ZBTB20: variants seen among roughly 807,000 people sequenced by gnomAD.
ZBTB20 encodes the protein zinc finger and BTB domain-containing protein 20.
ZBTB20 carries 9 observed loss-of-function variants against 56.9 expected under a neutral mutation model. The ratio of observed to expected loss-of-function variants is 0.16; its 90% CI spans 0.10 to 0.28. The LOEUF (loss-of-function observed/expected upper bound fraction) is 0.28. Ranked by LOEUF, ZBTB20 falls within the 10% of genes least tolerant of loss-of-function variation. The pLI is 1.00. For synonymous variants in ZBTB20, 417 were observed against 420.7 expected, an observed-to-expected ratio of 0.99 and a Z score of 0.11; for missense variants, 655 against 1,003.0, an observed-to-expected ratio of 0.65 and a Z score of 4.69.
At chr3:114,445,294 G>A (rs1012875157) in intron 7 of ZBTB20, among the ~76,000 whole-genome samples, 3 of 152,112 alleles carry the variant, frequency 2.0e-5, no homozygotes, top group Non-Finnish European at 4.4e-5. Flanking sequence ...AGAATTGATT[G>A]ACTCTTATTT....
intron 2 of ZBTB20, among the ~76,000 whole-genome samples, chr3:115,035,546 C>A (rs935709276): frequency 7.0e-6 from 1 of 141,938 alleles, no homozygotes; most frequent in Non-Finnish European, 1.5e-5. Flanking sequence ...TACTATCAAA[C>A]ACACACACAC....
intron 3 of ZBTB20, among the ~76,000 whole-genome samples, chr3:114,950,849 T>C (rs1033056845): frequency 1.5e-4 from 23 of 152,178 alleles, no homozygotes; most frequent in African/African-American, 5.5e-4. Context: ...TATAAAGCAA[T>C]AAAATAGTTT....
rs182104795 is a variant in ZBTB20, at chr3:114,633,044, T to C, written c.-295+60484A>G. Among the ~76,000 whole-genome samples, 13 of 152,346 alleles carry C rather than the reference T, an allele frequency of 8.5e-5. No homozygotes were observed. The East Asian group carries it at 1.7e-3, about 20-fold the overall frequency. On this transcript the variant is annotated intron_variant, in intron 6 of 11. Coordinates refer to ENST00000675478, the MANE Select transcript of ZBTB20 (RefSeq NM_001348800.3). ...GACTTTTTTACTACATAGAAAGAAT[T>C]AGGTTATGAAGGAAATGTAATCACC...
At chr3:114,472,996 G>A (rs2040317740) in intron 7 of ZBTB20, among the ~76,000 whole-genome samples, 1 of 152,174 alleles carries the variant, frequency 6.6e-6, no homozygotes, top group South Asian at 2.1e-4. Flanking sequence ...CTGCACAGAA[G>A]GACTTCTGAA....
intron 2 of ZBTB20, among the ~76,000 whole-genome samples, chr3:114,977,180 GA>G (rs1360021871): frequency 2.6e-5 from 4 of 152,162 alleles, no homozygotes; most frequent in Non-Finnish European, 5.9e-5. Flanking sequence ...TTTTTCCAGT[GA>G]AGGGACATTG....
chr3:114,344,927 G>A (rs779578396), intron 11 of ZBTB20, among the ~76,000 whole-genome samples: 6 of 152,042 alleles, frequency 3.9e-5, no homozygotes, highest in Admixed American at 1.3e-4. Flanking sequence ...ACCAGTGAAC[G>A]GGCTGTTGAT....
intron 3 of ZBTB20, among the ~76,000 whole-genome samples, chr3:114,902,836 A>G (rs745464072): frequency 6.6e-6 from 1 of 152,174 alleles, no homozygotes; most frequent in Non-Finnish European, 1.5e-5. Context: ...GCTAAAAGAC[A>G]CTGTTATGAC....
intron 6 of ZBTB20, among the ~76,000 whole-genome samples, chr3:114,508,431 A>G (rs2044912491): frequency 6.6e-6 from 1 of 152,156 alleles, no homozygotes; most frequent in Non-Finnish European, 1.5e-5. Flanking sequence ...ATAGAAGATG[A>G]GTCCATTCTA....
In ZBTB20 at chr3:114,427,746, C is replaced by A. The variant is rs1176827070; in HGVS notation, c.-254-38641G>T. Among the ~76,000 whole-genome samples, 5 of 152,198 alleles carry A rather than the reference C, an allele frequency of 3.3e-5. No individual in the cohort carries two copies. In the East Asian group the frequency reaches 9.6e-4, roughly 29 times the overall value. Reference sequence around the variant, plus strand: ...CAACATCTAATACTTGGGTGTTAATCAAAATGTATCGTGTAATAAGAAATT... The same window carrying A: ...CAACATCTAATACTTGGGTGTTAATAAAAATGTATCGTGTAATAAGAAATT... On this transcript the variant is annotated intron_variant, in intron 7 of 11. Coordinates refer to ENST00000675478, the MANE Select transcript of ZBTB20 (RefSeq NM_001348800.3).
Position 114,338,947 on chromosome 3 carries a change from T to A in ZBTB20, c.*58A>T, listed in dbSNP as rs549744468. 30 of 1,439,480 alleles carry A rather than the reference T, an allele frequency of 2.1e-5. No individual in the cohort carries two copies. The South Asian group carries it at 5.1e-4, about 25-fold the overall frequency. The allele number at this position is 1,439,480 out of a possible 1,614,324, so 89.2% of individuals were successfully genotyped here. A position where few individuals can be genotyped will look rare whatever the true frequency, so the allele number is the denominator to read the frequency against. Reference sequence around the variant, plus strand: ...AAATTCTAGTGCCATAGCTTTTTTGTTTGTTTGTTTTTTGTTGTTGTTTTG... The same window carrying A: ...AAATTCTAGTGCCATAGCTTTTTTGATTGTTTGTTTTTTGTTGTTGTTTTG... On this transcript the variant is annotated 3_prime_UTR_variant, in exon 12 of 12. Transcript: ENST00000675478.
chr3:114,421,034 T>A (rs2089118380), intron 7 of ZBTB20, among the ~76,000 whole-genome samples: 1 of 152,172 alleles, frequency 6.6e-6, no homozygotes. Context: ...CATTTGATTG[T>A]TAATAAGAAG....
intron 6 of ZBTB20, among the ~76,000 whole-genome samples, chr3:114,584,396 A>G (rs1334103223): frequency 6.6e-6 from 1 of 152,218 alleles, no homozygotes; most frequent in Non-Finnish European, 1.5e-5. Flanking sequence ...GGAACTTTAG[A>G]AAGAAAAAGC....
At chr3:114,976,494 C>T (rs1250297517) in intron 2 of ZBTB20, among the ~76,000 whole-genome samples, 2 of 151,854 alleles carry the variant, frequency 1.3e-5, no homozygotes, top group African/African-American at 2.4e-5. Context: ...GGCGTGGTGG[C>T]GGGCACCTGT....
chr3:114,987,940 C>T (rs992948507), intron 2 of ZBTB20, among the ~76,000 whole-genome samples: 17 of 152,070 alleles, frequency 1.1e-4, no homozygotes, highest in Admixed American at 1.1e-3. Flanking sequence ...AAGAATTAAA[C>T]CAACCTTGCC....
intron 7 of ZBTB20, among the ~76,000 whole-genome samples, chr3:114,495,176 A>G (rs2043143282): frequency 6.6e-6 from 1 of 152,230 alleles, no homozygotes; most frequent in Non-Finnish European, 1.5e-5. Flanking sequence ...AAATTCCTTA[A>G]GAGCAAGAAA....
At chr3:114,889,678 A>G (rs1041176031) in intron 4 of ZBTB20, among the ~76,000 whole-genome samples, 2 of 152,146 alleles carry the variant, frequency 1.3e-5, no homozygotes, top group Non-Finnish European at 2.9e-5. Flanking sequence ...TTAAGCAGTT[A>G]TATTACAAAT....
At chr3:114,963,497 T>C (rs752806640) in intron 3 of ZBTB20, among the ~76,000 whole-genome samples, 32 of 152,186 alleles carry the variant, frequency 2.1e-4, no homozygotes, top group Non-Finnish European at 4.1e-4. Context: ...CGCAACCACA[T>C]CTTTCTTTGG....
intron 7 of ZBTB20, among the ~76,000 whole-genome samples, chr3:114,460,046 A>G (rs1436369980): frequency 6.6e-6 from 1 of 152,046 alleles, no homozygotes; most frequent in African/African-American, 2.4e-5. Flanking sequence ...TTATCTGACA[A>G]GCTTAAGGTA....
intron 2 of ZBTB20, among the ~76,000 whole-genome samples, chr3:114,985,870 G>C (rs978280002): frequency 1.3e-5 from 2 of 152,076 alleles, no homozygotes; most frequent in African/African-American, 2.4e-5. Context: ...TTTAGCCTTT[G>C]CAGGTCATAA....
Sources: allele counts gnomAD v4.1 joint callset (sites outside exome capture counted in the v4.1 genomes callset), GRCh38; gene constraint gnomAD v4.1.1; transcripts MANE v1.5; gene names NCBI Gene and HGNC (gene_info 2026-07-23, HGNC 2026-07-21).